AGO2: variants seen among roughly 807,000 people sequenced by gnomAD.
AGO2 encodes the protein protein argonaute-2.
AGO2 carries 5 observed loss-of-function variants against 102.3 expected under a neutral mutation model. That is an observed-to-expected ratio of 0.05 (90% CI 0.03 to 0.10). AGO2 has a LOEUF of 0.10. Ranked by LOEUF, AGO2 falls within the 10% of genes least tolerant of loss-of-function variation. The probability of loss-of-function intolerance (pLI) is 1.00; values close to 1 mark genes in which losing one functional copy is unlikely to be tolerated. For missense variants in AGO2, 541 were observed against 1,183.7 expected (o/e 0.46, Z 7.97); for synonymous variants, 449 against 473.1 (o/e 0.95, Z 0.66).
At chr8:140,560,307 C>A in intron 5 of AGO2, 67 bp downstream of exon 5, 2 of 1,571,236 alleles carry the variant, frequency 1.3e-6, no homozygotes, top group South Asian at 1.1e-5. Flanking sequence ...ACCCCCCGAC[C>A]GGGGTCCTGA....
chr8:140,554,171 G>C (rs1047608133), intron 10 of AGO2, among the ~76,000 whole-genome samples: 2 of 152,224 alleles, frequency 1.3e-5, no homozygotes, highest in Non-Finnish European at 1.5e-5. Flanking sequence ...CCCCGCACAG[G>C]GGCCAGGCAC....
intron 2 of AGO2, among the ~76,000 whole-genome samples, chr8:140,584,746 C>G (rs2073623788): frequency 6.6e-6 from 1 of 152,120 alleles, no homozygotes; most frequent in Admixed American, 6.5e-5. Flanking sequence ...GACCTGGAAA[C>G]TAATCTATGT....
chr8:140,614,903 C>G (rs1379245033), intron 1 of AGO2, among the ~76,000 whole-genome samples: 1 of 152,214 alleles, frequency 6.6e-6, no homozygotes, highest in Non-Finnish European at 1.5e-5. Flanking sequence ...TCTAACCGCT[C>G]AAGTCACTCC....
rs1247915102 is a variant in AGO2 at position 140,567,523 on chromosome 8, A to C, written c.337-4889T>G. Among the ~76,000 whole-genome samples the C allele has an allele frequency of 6.6e-6, 1 of 152,204 alleles. No individual in the cohort carries two copies. The highest frequency in any genetic ancestry group is 2.4e-5 in the African/African-American group (1 of 41,454). On this transcript the variant is annotated intron_variant, in intron 3 of 18. Transcript: ENST00000220592. The surrounding 1 kb of genome is among the most constrained non-coding windows in gnomAD (Gnocchi z 5.0). ...TGGCTCCGTTGGCTTCCTGCACACA[A>C]GGGGACAAGCAGGTGGCCCCGCCCA...
Position 140,558,984 on chromosome 8 carries a change from C to G in AGO2, c.790+411G>C, listed in dbSNP as rs555421714. Among the ~76,000 whole-genome samples, 9 of 152,030 alleles carry G rather than the reference C, an allele frequency of 5.9e-5. No homozygotes were observed. The South Asian group carries it at 8.3e-4, about 14-fold the overall frequency. On this transcript the variant is annotated intron_variant, in intron 6 of 18. Coordinates refer to ENST00000220592, the MANE Select transcript of AGO2 (RefSeq NM_012154.5). ...GAAGGACCCCGGGTAAGTCCTAGAC[C>G]CCCCCCAATCTGAGTTTCTTGGAGT...
intron 1 of AGO2, among the ~76,000 whole-genome samples, chr8:140,588,024 T>C (rs976471378): frequency 6.6e-6 from 1 of 151,770 alleles, no homozygotes; most frequent in Admixed American, 6.6e-5. Flanking sequence ...CTCCCCCATC[T>C]CCTCCATCCT....
intron 1 of AGO2, among the ~76,000 whole-genome samples, chr8:140,620,134 C>T (rs1206562274): frequency 6.6e-6 from 1 of 152,176 alleles, no homozygotes; most frequent in East Asian, 1.9e-4. Context: ...CTGAAGGGGT[C>T]CCACGTCAGG....
At position 140,583,783 on chromosome 8, in the gene AGO2, G is replaced by A. The variant is rs554755971; in HGVS notation, c.215+1336C>T. Among the ~76,000 whole-genome samples the A allele has an allele frequency of 2.7e-3, 410 of 152,312 alleles. 1 individual carries two copies. The highest frequency in any genetic ancestry group is 4.4e-3 in the Non-Finnish European group (302 of 68,022). On this transcript the variant is annotated intron_variant, in intron 2 of 18. Coordinates refer to ENST00000220592, the MANE Select transcript of AGO2 (RefSeq NM_012154.5). ...CCAGCTACTTGGGAGGATGAGGCAG[G>A]AGAATCACTTGAACCCAGGAGGTGG... is the stretch of plus-strand genomic sequence containing the variant.
intron 12 of AGO2, among the ~76,000 whole-genome samples, chr8:140,548,172 C>T (rs763822074): frequency 4.5e-4 from 68 of 152,010 alleles, no homozygotes; most frequent in African/African-American, 2.4e-4. Flanking sequence ...AAAAATTAGC[C>T]GGGCATGGCA....
intron 1 of AGO2, chr8:140,591,549 AC>A (rs2073747276): frequency 6.6e-6 from 1 of 152,188 alleles, no homozygotes; most frequent in Non-Finnish European, 1.5e-5. Context: ...AGCATGACAC[AC>A]CCGTACAGTC....
At position 140,556,242 on chromosome 8, in the gene AGO2, C is replaced by T. The variant is rs758715788; in HGVS notation, c.1071G>A (p.Thr357=). ...VAGQRCIKKL[T]DNQTSTMIRA... is the part of the protein sequence containing the mutation. ...TGATCATGGTTGAGGTCTGATTGTC[C>T]GTTAATTTTTTAATACATCTTTGTC... The change falls in exon 9 of 19, where the codon ACG becomes ACA. Residue 357 remains threonine (T), a synonymous_variant. Transcript: ENST00000220592. 6.2e-6 allele frequency: 10 copies of T among 1,614,160 alleles called. No individual in the cohort carries two copies. The East Asian group carries it at 1.1e-4, about 18-fold the overall frequency.
intron 1 of AGO2, among the ~76,000 whole-genome samples, chr8:140,595,947 TTTATATATAATATATATAAA>T (rs1279650997): frequency 9.3e-5 from 3 of 32,282 alleles, no homozygotes; most frequent in Non-Finnish European, 2.2e-4. Flanking sequence ...TAATATATAT[TTTATATATAATATATATAAA>T]TTATATATAT....
At chr8:140,568,022 G>A (rs1200252506) in intron 3 of AGO2, among the ~76,000 whole-genome samples, 2 of 151,436 alleles carry the variant, frequency 1.3e-5, no homozygotes, top group South Asian at 2.1e-4. Context: ...CACTTTGGGA[G>A]GCCCAGGCAG....
At chr8:140,600,349 T>C (rs1359620878) in intron 1 of AGO2, among the ~76,000 whole-genome samples, 1 of 152,230 alleles carries the variant, frequency 6.6e-6, no homozygotes, top group African/African-American at 2.4e-5. Context: ...TTCAGACTCC[T>C]GCAGCACACG....
intron 2 of AGO2, among the ~76,000 whole-genome samples, chr8:140,575,756 C>T (rs1256827707): frequency 6.6e-6 from 1 of 152,158 alleles, no homozygotes; most frequent in Non-Finnish European, 1.5e-5. Flanking sequence ...AAAAATAAAT[C>T]ATCATGTCAA....
intron 1 of AGO2, among the ~76,000 whole-genome samples, chr8:140,629,572 G>GC (rs1290577865): frequency 6.6e-6 from 1 of 152,018 alleles, no homozygotes; most frequent in East Asian, 1.9e-4. Flanking sequence ...GGGCGCAGTG[G>GC]CTCACACTTG....
chr8:140,557,140 G>C lies in AGO2; in HGVS notation c.975C>G (p.Leu325=). The stretch of plus-strand genomic sequence containing the variant: ...GCTCCTGTCCGACTTGTAAACATGG[G>C]AGGTGGGGGTAGCGCAGAACCAACT... The part of the protein sequence containing the change: ...RHKLVLRYPH[L]PCLQVGQEQK... Residue 325 remains leucine, a synonymous_variant, in exon 8 of 19, where the codon CTC becomes CTG. Coordinates refer to ENST00000220592, the MANE Select transcript of AGO2 (RefSeq NM_012154.5). The surrounding 1 kb of genome is among the most constrained non-coding windows in gnomAD (Gnocchi z 5.9). The C allele has an allele frequency of 6.2e-7, 1 of 1,614,138 alleles. No individual in the cohort carries two copies. The highest frequency in any genetic ancestry group is 8.5e-7 in the Non-Finnish European group (1 of 1,180,014).
intron 2 of AGO2, among the ~76,000 whole-genome samples, chr8:140,580,208 A>G (rs925588967): frequency 6.6e-6 from 1 of 152,218 alleles, no homozygotes; most frequent in Non-Finnish European, 1.5e-5. Flanking sequence ...TGCTTGCACC[A>G]AACCCCACCC....
chr8:140,571,847 G>A (rs968362511), intron 3 of AGO2, among the ~76,000 whole-genome samples: 3 of 152,204 alleles, frequency 2.0e-5, no homozygotes, highest in Non-Finnish European at 4.4e-5. Context: ...CCAGGTTCAA[G>A]CGATTTTCCT....
Sources: allele counts gnomAD v4.1 joint callset (sites outside exome capture counted in the v4.1 genomes callset), GRCh38; gene constraint gnomAD v4.1.1; non-coding constraint Gnocchi (gnomAD v3.1); transcripts MANE v1.5; gene names NCBI Gene and HGNC (gene_info 2026-07-23, HGNC 2026-07-21).